Variants in SNTG1 observed in about 807,000 individuals in gnomAD.
The protein encoded by SNTG1 is syntrophin gamma 1, also known as gamma-1-syntrophin.
Under a neutral mutation model 74.7 loss-of-function variants are expected in SNTG1, and 39 were observed. The ratio of observed to expected loss-of-function variants is 0.52; its 90% CI spans 0.40 to 0.68. The LOEUF (loss-of-function observed/expected upper bound fraction) is 0.68, where lower values mean the gene tolerates loss of function less well. SNTG1 is among the 30% of genes least tolerant of loss of function. SNTG1 has a pLI of 0.00. For synonymous variants in SNTG1, 254 were observed against 217.1 expected, an observed-to-expected ratio of 1.17 and a Z score of -1.49; for missense variants, 685 against 609.5, an observed-to-expected ratio of 1.12 and a Z score of -1.30.
At chr8:50,122,443 C>T (rs1362662519) in intron 1 of SNTG1, among the ~76,000 whole-genome samples, 3 of 141,078 alleles carry the variant, frequency 2.1e-5, no homozygotes, top group Non-Finnish European at 4.7e-5. Flanking sequence ...AGGCTGAGCA[C>T]TGCACAAGAA....
chr8:50,705,212 T>C (rs912323100), intron 16 of SNTG1, among the ~76,000 whole-genome samples: 1 of 152,196 alleles, frequency 6.6e-6, no homozygotes, highest in African/African-American at 2.4e-5. Context: ...TCCAGGAACA[T>C]GTCCCTGATT....
chr8:50,285,613 C>T lies in SNTG1; in HGVS notation c.-27-108599C>T, dbSNP rs193194673. ...CTCTCATCTCATTATTTCTGTCATTCATGTCTGTTTATCCATCCATCCATT... is the reference window on the plus strand; with the variant it reads ...CTCTCATCTCATTATTTCTGTCATTTATGTCTGTTTATCCATCCATCCATT... On this transcript the variant is annotated intron_variant, in intron 2 of 18. Transcript: ENST00000642720. Among the ~76,000 whole-genome samples the T allele has an allele frequency of 1.7e-4, 26 of 152,204 alleles. No individual in the cohort carries two copies. The East Asian group carries it at 4.8e-3, about 28-fold the overall frequency.
intron 8 of SNTG1, among the ~76,000 whole-genome samples, chr8:50,453,538 T>C (rs2093475287): frequency 2.0e-5 from 3 of 152,192 alleles, no homozygotes; most frequent in Admixed American, 2.0e-4. Flanking sequence ...CTGCAAATCA[T>C]AGCTCAACCA....
chr8:50,510,355 G>A (rs150887000), intron 9 of SNTG1, among the ~76,000 whole-genome samples: 96 of 152,234 alleles, frequency 6.3e-4, no homozygotes, highest in African/African-American at 2.1e-3. Flanking sequence ...ATGTTCATGA[G>A]GGATATTGGT....
rs559590673 is a variant in SNTG1 at position 50,195,678 on chromosome 8, A to T, written c.-28+23043A>T. Among the ~76,000 whole-genome samples, 25 of 152,250 alleles carry T rather than the reference A, an allele frequency of 1.6e-4. No individual in the cohort carries two copies. In the East Asian group the frequency reaches 4.4e-3, roughly 27 times the overall value. On this transcript the variant is annotated intron_variant, in intron 2 of 18. Transcript: ENST00000642720. ...TCTAAATTGACTCAGCTCCAGGTAAAGTCAGAAAGGTCTCCCGCAAACAGA... is the reference window on the plus strand; with the variant it reads ...TCTAAATTGACTCAGCTCCAGGTAATGTCAGAAAGGTCTCCCGCAAACAGA...
At chr8:50,213,876 G>T (rs1190738764) in intron 2 of SNTG1, among the ~76,000 whole-genome samples, 2 of 151,466 alleles carry the variant, frequency 1.3e-5, no homozygotes, top group African/African-American at 2.4e-5. Flanking sequence ...CCATTTTGTA[G>T]GTTGCCTGTT....
chr8:50,334,586 T>C (rs977208838), intron 2 of SNTG1, among the ~76,000 whole-genome samples: 1 of 151,926 alleles, frequency 6.6e-6, no homozygotes, highest in African/African-American at 2.4e-5. Flanking sequence ...CTTATTTCTG[T>C]AGCAATTGAA....
chr8:50,481,750 G>A (rs940092239), intron 8 of SNTG1, among the ~76,000 whole-genome samples: 2 of 152,200 alleles, frequency 1.3e-5, no homozygotes, highest in African/African-American at 2.4e-5. Context: ...ATCAAGGAAT[G>A]TTTTGATGAT....
chr8:50,359,520 T>C (rs184416584), intron 2 of SNTG1, among the ~76,000 whole-genome samples: 59 of 152,264 alleles, frequency 3.9e-4, no homozygotes, highest in African/African-American at 1.4e-3. Flanking sequence ...TTGTTCCCAA[T>C]GTGATAATAT....
chr8:50,536,149 T>C (rs1187042483), intron 10 of SNTG1, among the ~76,000 whole-genome samples: 3 of 152,198 alleles, frequency 2.0e-5, no homozygotes, highest in Non-Finnish European at 4.4e-5. Context: ...AACATGAAGT[T>C]AGAAAAAGGA....
chr8:50,531,954 T>C (rs373211253), intron 10 of SNTG1, among the ~76,000 whole-genome samples: 8 of 152,264 alleles, frequency 5.3e-5, no homozygotes, highest in East Asian at 1.9e-4. Context: ...CATTGACATA[T>C]AGAAAAACAT....
At chr8:50,576,850 T>G (rs2094579608) in intron 12 of SNTG1, among the ~76,000 whole-genome samples, 1 of 152,148 alleles carries the variant, frequency 6.6e-6, no homozygotes, top group Non-Finnish European at 1.5e-5. Flanking sequence ...AACAATTACT[T>G]TTGGATAAAG....
intron 15 of SNTG1, among the ~76,000 whole-genome samples, chr8:50,691,983 CTTCATTTCA>C (rs1187797734): frequency 2.0e-5 from 3 of 152,254 alleles, no homozygotes; most frequent in Non-Finnish European, 2.9e-5. Context: ...TCTCTTCTCA[CTTCATTTCA>C]TTCATTTCAT....
intron 2 of SNTG1, among the ~76,000 whole-genome samples, chr8:50,285,950 A>C (rs1563845462): frequency 6.6e-6 from 1 of 151,376 alleles, no homozygotes; most frequent in Admixed American, 6.6e-5. Context: ...ATGCTACTTT[A>C]TTTCTTTTTC....
chr8:50,738,333 C>G (rs910149125), intron 17 of SNTG1, among the ~76,000 whole-genome samples: 2 of 152,002 alleles, frequency 1.3e-5, no homozygotes, highest in Admixed American at 6.6e-5. Flanking sequence ...AATAAAATAC[C>G]TAGGGATACA....
chr8:50,379,434 G>A lies in SNTG1; in HGVS notation c.-27-14778G>A, dbSNP rs923769554. ...GTGCCGATGGGGGGTCAGGGGCAGG[G>A]CTCCCTCCTGCTCCAGGGCCCAGGA... On this transcript the variant is annotated intron_variant, in intron 2 of 18. Coordinates refer to ENST00000642720, the MANE Select transcript of SNTG1 (RefSeq NM_018967.5). Among the ~76,000 whole-genome samples, 17 of 152,252 alleles carry A rather than the reference G, an allele frequency of 1.1e-4. No homozygotes were observed. In the East Asian group the frequency reaches 2.9e-3, roughly 26 times the overall value.
chr8:50,631,308 G>A (rs2094995607), intron 13 of SNTG1, among the ~76,000 whole-genome samples: 1 of 152,062 alleles, frequency 6.6e-6, no homozygotes. Context: ...ACCATAAATG[G>A]GAACAAATAT....
chr8:50,324,044 C>A (rs964530449), intron 2 of SNTG1, among the ~76,000 whole-genome samples: 1 of 152,144 alleles, frequency 6.6e-6, no homozygotes, highest in African/African-American at 2.4e-5. Flanking sequence ...ATTTGCCTAG[C>A]AATTGCAGTC....
chr8:50,028,100 A>G (rs373937608), intron 1 of SNTG1, among the ~76,000 whole-genome samples: 12 of 152,124 alleles, frequency 7.9e-5, no homozygotes, highest in African/African-American at 2.4e-4. Flanking sequence ...CATTACTAAC[A>G]AAGAGTGTAT....
Sources: gnomAD v4.1 joint callset for allele counts (sites outside exome capture counted in the v4.1 genomes callset) on GRCh38, gnomAD v4.1.1 for gene constraint, MANE v1.5 for transcripts, NCBI Gene and HGNC (gene_info 2026-07-23, HGNC 2026-07-21) for gene names.